The following FAM81A variants were observed in gnomAD, a reference collection of about 807,000 sequenced individuals.
FAM81A encodes family with sequence similarity 81 member A.
Under a neutral mutation model 46.7 loss-of-function variants are expected in FAM81A, and 19 were observed. The observed-to-expected ratio is 0.41, with a 90% CI of 0.28 to 0.60. The LOEUF is 0.60. Ranked by LOEUF, FAM81A falls within the 20% of genes least tolerant of loss-of-function variation. The pLI, the probability that FAM81A is intolerant of heterozygous loss-of-function variation, is 0.34. For synonymous variants in FAM81A, 183 were observed against 152.9 expected, an observed-to-expected ratio of 1.20 and a Z score of -1.45; for missense variants, 377 against 453.5, an observed-to-expected ratio of 0.83 and a Z score of 1.53.
intron 3 of FAM81A, among the ~76,000 whole-genome samples, chr15:59,481,534 A>C (rs1204365683): frequency 6.6e-6 from 1 of 152,078 alleles, no homozygotes; most frequent in Non-Finnish European, 1.5e-5. Flanking sequence ...AGCTGGAATC[A>C]TGCTCCATAT....
intron 4 of FAM81A, among the ~76,000 whole-genome samples, chr15:59,494,658 A>T (rs2082015586): frequency 6.6e-6 from 1 of 152,154 alleles, no homozygotes. Context: ...TAGAATGCTG[A>T]TGAGACTTGA....
At chr15:59,507,714 C>G (rs1276977194) in intron 5 of FAM81A, among the ~76,000 whole-genome samples, 1 of 152,244 alleles carries the variant, frequency 6.6e-6, no homozygotes, top group African/African-American at 2.4e-5. Flanking sequence ...ATAATGTATT[C>G]CCTGGGACTC....
chr15:59,501,354 C>T (rs2082088606), intron 4 of FAM81A, among the ~76,000 whole-genome samples: 1 of 152,144 alleles, frequency 6.6e-6, no homozygotes, highest in South Asian at 2.1e-4. Context: ...TTAGGCTCCA[C>T]TAATTGCTAG....
chr15:59,497,839 TAAAC>T (rs1276160577), intron 4 of FAM81A, among the ~76,000 whole-genome samples: 4 of 152,044 alleles, frequency 2.6e-5, no homozygotes, highest in African/African-American at 7.2e-5. Context: ...TCAAAAAAAA[TAAAC>T]AAATAAGCCT....
intron 2 of FAM81A, among the ~76,000 whole-genome samples, chr15:59,410,678 A>G (rs189226472): frequency 5.9e-5 from 9 of 152,358 alleles, no homozygotes; most frequent in Admixed American, 1.3e-4. Flanking sequence ...AAACATTTTA[A>G]AAGTTAGAAA....
chr15:59,516,571 T>C (rs764408573), intron 7 of FAM81A, 74 bp from the exon 8 acceptor site: 2 of 1,451,352 alleles, frequency 1.4e-6, no homozygotes, highest in Non-Finnish European at 9.4e-7. Flanking sequence ...TGTTAAACGA[T>C]ATTATGGCTG....
intron 3 of FAM81A, among the ~76,000 whole-genome samples, chr15:59,467,213 C>T (rs1390963554): frequency 6.6e-6 from 1 of 152,114 alleles, no homozygotes; most frequent in African/African-American, 2.4e-5. Flanking sequence ...TCCATATGAA[C>T]TTTAAAGCAG....
intron 2 of FAM81A, among the ~76,000 whole-genome samples, chr15:59,420,376 T>G (rs1308747383): frequency 6.6e-6 from 1 of 152,154 alleles, no homozygotes; most frequent in Non-Finnish European, 1.5e-5. Context: ...CCTGTTGCAG[T>G]GATGAGAATT....
At chr15:59,520,001 A>G (rs2082310967) in intron 8 of FAM81A, among the ~76,000 whole-genome samples, 1 of 152,110 alleles carries the variant, frequency 6.6e-6, no homozygotes, top group Admixed American at 6.5e-5. Context: ...AGCTTGTCCA[A>G]CCCACATCCC....
rs144820914 is a variant in FAM81A, at chr15:59,419,346, T to C, written c.-78+16988T>C. 8.3e-4 allele frequency among the ~76,000 whole-genome samples: 127 copies of C among 152,314 alleles called. 1 individual carries two copies. The highest frequency in any genetic ancestry group is 2.8e-3 in the African/African-American group (118 of 41,566). On this transcript the variant is annotated intron_variant, in intron 2 of 4. Transcript: ENST00000558348. ...AAGAGATATTAAATAACTCTCACTT[T>C]TGTGCCTTTGAACTCCCTGTTTCCT...
At chr15:59,510,335 C>T (rs1333727326) in intron 6 of FAM81A, among the ~76,000 whole-genome samples, 1 of 150,142 alleles carries the variant, frequency 6.7e-6, no homozygotes, top group African/African-American at 2.5e-5. Context: ...CACCACTGCA[C>T]TCCAGCCTGG....
At chr15:59,479,479 C>G (rs978226254) in intron 3 of FAM81A, among the ~76,000 whole-genome samples, 2 of 143,244 alleles carry the variant, frequency 1.4e-5, no homozygotes, top group Non-Finnish European at 3.0e-5. Context: ...CCATTGCACT[C>G]CAGCCTGGGT....
chr15:59,519,690 C>T (rs1259227403), intron 8 of FAM81A, among the ~76,000 whole-genome samples: 1 of 148,830 alleles, frequency 6.7e-6, no homozygotes. Flanking sequence ...TCTTATTTCA[C>T]TTAGCATAAT....
At chr15:59,405,469 C>T (rs975893852) in intron 2 of FAM81A, among the ~76,000 whole-genome samples, 3 of 151,942 alleles carry the variant, frequency 2.0e-5, no homozygotes, top group Admixed American at 1.3e-4. Flanking sequence ...GGCAAAACCC[C>T]GTCTGTACTA....
At chr15:59,490,342 A>G (rs893719530) in intron 3 of FAM81A, among the ~76,000 whole-genome samples, 1 of 152,190 alleles carries the variant, frequency 6.6e-6, no homozygotes, top group Non-Finnish European at 1.5e-5. Context: ...CAAACTCTCC[A>G]TCTGACAAGG....
At chr15:59,498,553 G>A (rs1207230895) in intron 4 of FAM81A, among the ~76,000 whole-genome samples, 3 of 152,150 alleles carry the variant, frequency 2.0e-5, no homozygotes, top group South Asian at 2.1e-4. Context: ...CCTCGAGTAC[G>A]ATGTTGAATA....
chr15:59,426,435 G>A (rs759322451), intron 2 of FAM81A, among the ~76,000 whole-genome samples: 4 of 152,064 alleles, frequency 2.6e-5, no homozygotes, highest in Non-Finnish European at 5.9e-5. Context: ...AAGAAACCCC[G>A]TCTCTACTTC....
intron 2 of FAM81A, among the ~76,000 whole-genome samples, chr15:59,430,279 T>C: frequency 7.1e-6 from 1 of 140,960 alleles, no homozygotes; most frequent in Non-Finnish European, 1.5e-5. Flanking sequence ...TTTTTTTTTT[T>C]TTTGAGATGG....
chr15:59,463,047 A>G (rs983805176), intron 3 of FAM81A, among the ~76,000 whole-genome samples: 15 of 152,184 alleles, frequency 9.9e-5, no homozygotes, highest in Admixed American at 6.5e-4. Flanking sequence ...TTTTTCTTCA[A>G]TGGTTTATTC....
Sources: gnomAD v4.1 joint callset for allele counts (sites outside exome capture counted in the v4.1 genomes callset) on GRCh38, gnomAD v4.1.1 for gene constraint, MANE v1.5 for transcripts, NCBI Gene and HGNC (gene_info 2026-07-23, HGNC 2026-07-21) for gene names.